MPZL3: variants seen among roughly 807,000 people sequenced by gnomAD.
MPZL3 encodes myelin protein zero like 3, also known as myelin protein zero-like protein 3.
In MPZL3, 23 loss-of-function variants were observed where a neutral mutation model predicts 24.8. The ratio of observed to expected loss-of-function variants is 0.93; its 90% CI spans 0.67 to 1.31. MPZL3 has a LOEUF of 1.31. MPZL3 is among the 40% of genes most tolerant of loss of function. The pLI is 0.00. For synonymous variants in MPZL3, 99 were observed against 106.5 expected (o/e 0.93, Z 0.44); for missense variants, 277 against 294.9 (o/e 0.94, Z 0.44).
At position 118,228,551 on chromosome 11, in the gene MPZL3, A is replaced by G. The variant is rs1321073509; in HGVS notation, c.*1343T>C. 1 of 152,234 alleles carries G rather than the reference A, an allele frequency of 6.6e-6. No individual in the cohort carries two copies. Among genetic ancestry groups the G allele is most frequent in the African/African-American group, 2.4e-5 (1 of 41,458 alleles). 9.4% of individuals were successfully genotyped at this position (152,234 alleles called of 1,614,324 possible). A position where few individuals can be genotyped will look rare whatever the true frequency, so the allele number is the denominator to read the frequency against. Reference sequence around the variant, plus strand: ...CAAGTTGTCATAGCAGAATGGAGTAACCTGCTGTAAGGCACTGAGAGAATA... The same window carrying G: ...CAAGTTGTCATAGCAGAATGGAGTAGCCTGCTGTAAGGCACTGAGAGAATA... On this transcript the variant is annotated 3_prime_UTR_variant, in exon 6 of 6. Transcript: ENST00000278949.
intron 1 of MPZL3, among the ~76,000 whole-genome samples, chr11:118,250,465 T>G (rs139322068): frequency 0.017 from 2,584 of 152,222 alleles, 45 homozygotes; most frequent in Non-Finnish European, 0.025. Flanking sequence ...AAATTGATAG[T>G]GGTAATTATT....
chr11:118,236,145 T>A (rs903947331), intron 3 of MPZL3, among the ~76,000 whole-genome samples: 2 of 152,226 alleles, frequency 1.3e-5, no homozygotes, highest in African/African-American at 4.8e-5. Flanking sequence ...AAAGGGCCTA[T>A]ATTTTTAAGG....
intron 1 of MPZL3, among the ~76,000 whole-genome samples, chr11:118,250,706 G>A (rs12577053): frequency 0.42 from 63,626 of 151,668 alleles, 15,096 homozygotes; most frequent in South Asian, 0.72. Flanking sequence ...TCAGCCTCCC[G>A]AGTAGCTGGG....
At chr11:118,249,591 A>G (rs1421736815) in intron 1 of MPZL3, among the ~76,000 whole-genome samples, 3 of 152,136 alleles carry the variant, frequency 2.0e-5, no homozygotes, top group Admixed American at 6.5e-5. Context: ...TCACATTTTC[A>G]CATAAGTAAT....
chr11:118,251,157 C>G (rs1949616403), intron 1 of MPZL3, among the ~76,000 whole-genome samples: 1 of 147,494 alleles, frequency 6.8e-6, no homozygotes, highest in Non-Finnish European at 1.5e-5. Context: ...TTAGGAGTGA[C>G]AGTAGGCCAG....
At chr11:118,236,946 A>C in intron 3 of MPZL3, 104 bp downstream of exon 3, 1 of 966,462 alleles carries the variant, frequency 1.0e-6, no homozygotes, top group South Asian at 1.6e-5. Flanking sequence ...TAATGACCCA[A>C]CTGGCTTACA....
rs1949326121 is a variant in MPZL3 at position 118,229,794 on chromosome 11, G to A, written c.*100C>T. On this transcript the variant is annotated 3_prime_UTR_variant, in exon 6 of 6. Coordinates refer to ENST00000278949, the MANE Select transcript of MPZL3 (RefSeq NM_198275.3). Reference sequence around the variant, plus strand: ...GATCTCCAGGATTGTCCATCGCTATGGTCCAGGCCAGCTCCACTTTCTCTG... The same window carrying A: ...GATCTCCAGGATTGTCCATCGCTATAGTCCAGGCCAGCTCCACTTTCTCTG... 2.6e-6 allele frequency: 3 copies of A among 1,168,032 alleles called. No individual in the cohort carries two copies. Among genetic ancestry groups the A allele is most frequent in the Non-Finnish European group, 3.8e-6 (3 of 789,140 alleles). The allele number at this position is 1,168,032 out of a possible 1,614,324, so 72.4% of individuals were successfully genotyped here.
At chr11:118,236,638 G>A (rs544333425) in intron 3 of MPZL3, among the ~76,000 whole-genome samples, 7 of 152,242 alleles carry the variant, frequency 4.6e-5, no homozygotes, top group South Asian at 2.1e-4. Context: ...ACCTCTCAAC[G>A]TTAGAGGGGG....
chr11:118,240,417 T>C, intron 1 of MPZL3, 40 bp from the exon 2 acceptor site: 1 of 1,570,542 alleles, frequency 6.4e-7, no homozygotes, highest in Non-Finnish European at 8.6e-7. Context: ...TGCATTCATG[T>C]GGGTGGAATA....
chr11:118,252,235 G>C lies in MPZL3; in HGVS notation c.60C>G (p.Val20=), dbSNP rs367908061. ...RGCALFPLLG[V]LFFQGVYIVF... ...CGGAGCACTCACCCTGGAAGAACAG[G>C]ACGCCCAGCAGAGGGAAGAGAGCGC... Residue 20 remains valine (V), a synonymous_variant, in exon 1 of 6, where the codon GTC becomes GTG. Coordinates refer to ENST00000278949, the MANE Select transcript of MPZL3 (RefSeq NM_198275.3). 7 of 1,613,856 alleles carry C rather than the reference G, an allele frequency of 4.3e-6. No individual in the cohort carries two copies. The highest frequency in any genetic ancestry group is 1.7e-4 in the Middle Eastern group (1 of 5,850).
chr11:118,249,049 T>TGTTC (rs1479006985), intron 1 of MPZL3, among the ~76,000 whole-genome samples: 1 of 151,714 alleles, frequency 6.6e-6, no homozygotes, highest in African/African-American at 2.4e-5. Context: ...GTTTTTTGTT[T>TGTTC]GTTTGTTTTT....
intron 1 of MPZL3, among the ~76,000 whole-genome samples, chr11:118,242,313 A>G (rs1341314622): frequency 1.3e-5 from 2 of 152,212 alleles, no homozygotes; most frequent in African/African-American, 4.8e-5. Context: ...TACAATCAAA[A>G]AAGAAAATTT....
At chr11:118,250,197 T>A (rs1949603514) in intron 1 of MPZL3, among the ~76,000 whole-genome samples, 1 of 75,244 alleles carries the variant, frequency 1.3e-5, no homozygotes, top group Non-Finnish European at 2.8e-5. Flanking sequence ...TTTTTTTTTG[T>A]ATTTTTTGGT....
rs1362245929 is a variant in MPZL3 at position 118,228,160 on chromosome 11, G to A, written c.*1734C>T. On this transcript the variant is annotated 3_prime_UTR_variant, in exon 6 of 6. Transcript: ENST00000278949. ...CCAGATTCGCTCATCTGTGGACTAG[G>A]TTAACAGAAGAGGCTAGGCCAAATC... 6.6e-6 allele frequency: 1 copy of A among 151,934 alleles called. No individual in the cohort carries two copies. The highest frequency in any genetic ancestry group is 1.5e-5 in the Non-Finnish European group (1 of 68,014). 9.4% of individuals were successfully genotyped at this position (151,934 alleles called of 1,614,324 possible). A position where few individuals can be genotyped will look rare whatever the true frequency, so the allele number is the denominator to read the frequency against.
chr11:118,249,389 C>T (rs2853005), intron 1 of MPZL3, among the ~76,000 whole-genome samples: 109,491 of 151,950 alleles, frequency 0.72, 39,549 homozygotes, highest in South Asian at 0.81. Flanking sequence ...GGATGTAAGA[C>T]AGTTTGTCTC....
intron 2 of MPZL3, among the ~76,000 whole-genome samples, chr11:118,239,772 G>A (rs1424348699): frequency 3.3e-5 from 5 of 152,260 alleles, no homozygotes; most frequent in South Asian, 2.1e-4. Flanking sequence ...TCCACAAAGC[G>A]CAAATATGCA....
In MPZL3 at chr11:118,227,404, G is replaced by A. The variant is rs1333075304; in HGVS notation, c.*2490C>T. 1 of 152,146 alleles carries A rather than the reference G, an allele frequency of 6.6e-6. No homozygotes were observed. The highest frequency in any genetic ancestry group is 2.4e-5 in the African/African-American group (1 of 41,420). The allele number at this position is 152,146 out of a possible 1,614,324, so 9.4% of individuals were successfully genotyped here. A position where few individuals can be genotyped will look rare whatever the true frequency, so the allele number is the denominator to read the frequency against. On this transcript the variant is annotated 3_prime_UTR_variant, in exon 6 of 6. Coordinates refer to ENST00000278949, the MANE Select transcript of MPZL3 (RefSeq NM_198275.3). ...TGAAACAAATAAGTAAACAAAAAAAGACCACTTTATCTTCCTTTCATCCTT... is the reference window on the plus strand; with the variant it reads ...TGAAACAAATAAGTAAACAAAAAAAAACCACTTTATCTTCCTTTCATCCTT...
chr11:118,251,220 G>T (rs1304348913), intron 1 of MPZL3, among the ~76,000 whole-genome samples: 1 of 151,900 alleles, frequency 6.6e-6, no homozygotes, highest in Non-Finnish European at 1.5e-5. Context: ...GACTTATGAT[G>T]ACACAGGCAG....
intron 1 of MPZL3, among the ~76,000 whole-genome samples, chr11:118,243,669 G>A (rs377141964): frequency 6.6e-6 from 1 of 152,104 alleles, no homozygotes; most frequent in East Asian, 1.9e-4. Flanking sequence ...CTACTCAGGA[G>A]GCTGAGGCAG....
Sources: allele counts gnomAD v4.1 joint callset (sites outside exome capture counted in the v4.1 genomes callset), GRCh38; gene constraint gnomAD v4.1.1; transcripts MANE v1.5; gene names NCBI Gene and HGNC (gene_info 2026-07-23, HGNC 2026-07-21).